Variants in FBXO4 observed in about 807,000 individuals in gnomAD.
FBXO4 encodes the protein F-box only protein 4.
A neutral mutation model predicts 43.7 loss-of-function variants in FBXO4; 36 were observed. That is an observed-to-expected ratio of 0.82 (90% confidence interval 0.63 to 1.09). FBXO4 has a LOEUF of 1.09. Among genes scored for constraint, FBXO4 ranks in the 50% least tolerant of loss-of-function variants. The pLI is 0.00. For synonymous variants in FBXO4, 180 were observed against 165.6 expected, an observed-to-expected ratio of 1.09 and a Z score of -0.67; for missense variants, 435 against 474.1, an observed-to-expected ratio of 0.92 and a Z score of 0.77.
chr5:42,017,708 C>T, the FBXO4 span, among the ~76,000 whole-genome samples: 1 of 151,874 alleles, frequency 6.6e-6, no homozygotes, highest in Non-Finnish European at 1.5e-5. Flanking sequence ...TTTTCTGTTC[C>T]TGCATCAATT....
At chr5:41,980,959 C>T in the FBXO4 span, among the ~76,000 whole-genome samples, 2 of 151,976 alleles carry the variant, frequency 1.3e-5, no homozygotes, top group Admixed American at 6.6e-5. Context: ...CTTTTCTATA[C>T]ACATAAATAT....
chr5:41,982,329 T>A, the FBXO4 span, among the ~76,000 whole-genome samples: 1 of 152,130 alleles, frequency 6.6e-6, no homozygotes, highest in South Asian at 2.1e-4. Context: ...CGCCACACTG[T>A]CTTCCACAAT....
chr5:41,977,255 T>C, the FBXO4 span, among the ~76,000 whole-genome samples: 1 of 152,252 alleles, frequency 6.6e-6, no homozygotes, highest in Non-Finnish European at 1.5e-5. Flanking sequence ...CTAATATCTC[T>C]AGCAAGTGGT....
intron 2 of FBXO4, 55 bp from the exon 3 acceptor site, chr5:41,929,642 A>T: frequency 7.7e-7 from 1 of 1,299,146 alleles, no homozygotes; most frequent in Non-Finnish European, 1.1e-6. Flanking sequence ...ATATTTTTGA[A>T]TGAATAACTG....
At chr5:41,968,677 T>G in the FBXO4 span, among the ~76,000 whole-genome samples, 6 of 152,222 alleles carry the variant, frequency 3.9e-5, no homozygotes, top group Admixed American at 3.3e-4. Context: ...ACACCTTTTT[T>G]TAAATATTCT....
chr5:41,972,544 AT>A, the FBXO4 span, among the ~76,000 whole-genome samples: 1 of 152,176 alleles, frequency 6.6e-6, no homozygotes, highest in Admixed American at 6.5e-5. Flanking sequence ...CACCAATGAC[AT>A]TTTTCACAGA....
intron 5 of FBXO4, among the ~76,000 whole-genome samples, chr5:41,936,026 T>C (rs1433454442): frequency 6.6e-6 from 1 of 152,236 alleles, no homozygotes; most frequent in African/African-American, 2.4e-5. Context: ...TGATTCAGCC[T>C]ACTGCATTAA....
the FBXO4 span, among the ~76,000 whole-genome samples, chr5:41,957,010 C>G: frequency 1.3e-5 from 2 of 152,050 alleles, no homozygotes; most frequent in Admixed American, 6.6e-5. Flanking sequence ...CTGCGCCTGG[C>G]CTTTTTTTCT....
the FBXO4 span, among the ~76,000 whole-genome samples, chr5:41,993,710 C>T: frequency 5.9e-3 from 884 of 151,074 alleles, 2 homozygotes; most frequent in Non-Finnish European, 0.01. Context: ...TCACAAGGTT[C>T]CACAATAGGC....
the FBXO4 span, among the ~76,000 whole-genome samples, chr5:42,005,180 G>T: frequency 6.6e-6 from 1 of 152,132 alleles, no homozygotes; most frequent in Non-Finnish European, 1.5e-5. Flanking sequence ...GAACCTGAGG[G>T]TTGCTGGAGA....
At chr5:41,989,062 T>C in the FBXO4 span, among the ~76,000 whole-genome samples, 1 of 152,192 alleles carries the variant, frequency 6.6e-6, no homozygotes. Flanking sequence ...GGGCACGGTT[T>C]CTGATCACAG....
chr5:41,966,172 G>A, the FBXO4 span, among the ~76,000 whole-genome samples: 1 of 152,138 alleles, frequency 6.6e-6, no homozygotes, highest in Non-Finnish European at 1.5e-5. Context: ...GGGGAGGATA[G>A]CATTTGGAGA....
the FBXO4 span, among the ~76,000 whole-genome samples, chr5:42,001,317 C>T: frequency 1.3e-5 from 2 of 152,024 alleles, no homozygotes; most frequent in Non-Finnish European, 2.9e-5. Flanking sequence ...GCAAGCTCCA[C>T]CTCCCAGGTT....
chr5:42,028,319 T>C, the FBXO4 span, among the ~76,000 whole-genome samples: 2 of 152,044 alleles, frequency 1.3e-5, no homozygotes, highest in African/African-American at 2.4e-5. Flanking sequence ...AAATCTGTTT[T>C]GTCTGAAAGA....
the FBXO4 span, among the ~76,000 whole-genome samples, chr5:41,991,889 A>G: frequency 3.9e-5 from 6 of 152,120 alleles, no homozygotes; most frequent in African/African-American, 1.2e-4. Flanking sequence ...GACCAGACTG[A>G]CCAACATGGA....
At position 41,941,207 on chromosome 5, in the gene FBXO4, G is replaced by A. The variant is rs758851440; in HGVS notation, c.1090G>A (p.Ala364Thr). 6.2e-7 allele frequency: 1 copy of A among 1,613,658 alleles called. No individual in the cohort carries two copies. Among genetic ancestry groups the A allele is most frequent in the Non-Finnish European group, 8.5e-7 (1 of 1,179,682 alleles). The change falls in exon 7 of 7, where the codon GCT becomes ACT. Residue 364 changes from alanine to threonine, a missense_variant. By Grantham distance (58) the Ala-to-Thr change is moderately conservative. Transcript: ENST00000281623. ...NHPWLVQDTE[A>T]ETLTGFLNGI... ...GTATTCCGAGGTCCAGGATACAGAGGCTGAAACTCTGACTGGTTTTTTGAA... is the reference window on the plus strand; with the variant it reads ...GTATTCCGAGGTCCAGGATACAGAGACTGAAACTCTGACTGGTTTTTTGAA...
chr5:42,024,174 T>C, the FBXO4 span, among the ~76,000 whole-genome samples: 2 of 152,080 alleles, frequency 1.3e-5, no homozygotes, highest in African/African-American at 4.8e-5. Context: ...TAAATGAAAA[T>C]TTAATCTAAT....
the FBXO4 span, among the ~76,000 whole-genome samples, chr5:42,036,694 G>A: frequency 6.6e-6 from 1 of 152,066 alleles, no homozygotes; most frequent in African/African-American, 2.4e-5. Context: ...ATTTCCAGAG[G>A]ATAAGTGGCG....
the FBXO4 span, among the ~76,000 whole-genome samples, chr5:41,990,079 A>G: frequency 6.6e-6 from 1 of 152,276 alleles, no homozygotes; most frequent in Non-Finnish European, 1.5e-5. Flanking sequence ...ATCATCATAA[A>G]GCTACATTCA....
Sources: gnomAD v4.1 joint callset for allele counts (sites outside exome capture counted in the v4.1 genomes callset) on GRCh38, gnomAD v4.1.1 for gene constraint, MANE v1.5 for transcripts, NCBI Gene and HGNC (gene_info 2026-07-23, HGNC 2026-07-21) for gene names.